CDH2: variants seen among roughly 807,000 people sequenced by gnomAD.
The protein encoded by CDH2 is cadherin 2, also known as cadherin-2.
A neutral mutation model predicts 92.0 loss-of-function variants in CDH2; 17 were observed. The observed-to-expected ratio is 0.18, with a 90% CI of 0.13 to 0.28. The LOEUF is 0.28. CDH2 is among the 10% of genes least tolerant of loss of function. CDH2 has a pLI of 1.00. For synonymous variants in CDH2, 419 were observed against 415.9 expected (o/e 1.01, Z -0.09); for missense variants, 862 against 1,133.1 (o/e 0.76, Z 3.44).
chr18:28,149,217 T>C (rs887312830), intron 1 of CDH2, among the ~76,000 whole-genome samples: 2 of 152,192 alleles, frequency 1.3e-5, no homozygotes, highest in Non-Finnish European at 2.9e-5. Context: ...AGTGCTCCAG[T>C]TGACATGTGC....
chr18:28,015,181 A>G (rs1038965929), intron 2 of CDH2, among the ~76,000 whole-genome samples: 2 of 152,232 alleles, frequency 1.3e-5, no homozygotes, highest in African/African-American at 4.8e-5. Flanking sequence ...AGACGTGCAC[A>G]CAGCCACATC....
At chr18:28,083,708 G>A (rs1340643270) in intron 2 of CDH2, among the ~76,000 whole-genome samples, 1 of 152,158 alleles carries the variant, frequency 6.6e-6, no homozygotes, top group Non-Finnish European at 1.5e-5. Flanking sequence ...TAAAAGGTAT[G>A]ATGGATTTTA....
chr18:28,116,248 T>G (rs906223845), intron 2 of CDH2, among the ~76,000 whole-genome samples: 1 of 152,180 alleles, frequency 6.6e-6, no homozygotes, highest in Non-Finnish European at 1.5e-5. Flanking sequence ...TCAATCCATA[T>G]GGCCTGGCAT....
intron 1 of CDH2, among the ~76,000 whole-genome samples, chr18:28,167,003 G>C (rs2016395189): frequency 6.6e-6 from 1 of 152,084 alleles, no homozygotes; most frequent in Non-Finnish European, 1.5e-5. Flanking sequence ...TGTGGAAGTA[G>C]AAACCCCTCA....
intron 15 of CDH2, among the ~76,000 whole-genome samples, chr18:27,953,122 C>T (rs912347248): frequency 1.3e-5 from 2 of 151,894 alleles, no homozygotes; most frequent in African/African-American, 4.8e-5. Flanking sequence ...TTCTAACTTC[C>T]AAAAAATCCT....
At chr18:27,976,323 A>G (rs1325301697) in intron 14 of CDH2, among the ~76,000 whole-genome samples, 3 of 152,174 alleles carry the variant, frequency 2.0e-5, no homozygotes, top group Non-Finnish European at 4.4e-5. Flanking sequence ...GCCAAGATGA[A>G]TAGCAGTACC....
chr18:28,034,823 T>C (rs541188907), intron 2 of CDH2, among the ~76,000 whole-genome samples: 1 of 152,214 alleles, frequency 6.6e-6, no homozygotes, highest in Admixed American at 6.6e-5. Context: ...GTATAAATCC[T>C]TGAAGTTCAA....
At chr18:28,073,160 T>C (rs907440489) in intron 2 of CDH2, among the ~76,000 whole-genome samples, 6 of 152,192 alleles carry the variant, frequency 3.9e-5, no homozygotes, top group Admixed American at 1.3e-4. Flanking sequence ...TTCAGTTCTC[T>C]AGTGTAAACA....
intron 2 of CDH2, among the ~76,000 whole-genome samples, chr18:28,039,971 G>A (rs1304275204): frequency 6.6e-6 from 1 of 152,070 alleles, no homozygotes; most frequent in Non-Finnish European, 1.5e-5. Context: ...ACAACTGACC[G>A]GCAATGCCAA....
chr18:27,991,145 T>C (rs1285844851), intron 9 of CDH2, among the ~76,000 whole-genome samples: 2 of 152,178 alleles, frequency 1.3e-5, no homozygotes, highest in African/African-American at 4.8e-5. Flanking sequence ...AGGAGTCAAA[T>C]GACTAGACTG....
chr18:28,095,064 C>T (rs946108193), intron 2 of CDH2, among the ~76,000 whole-genome samples: 1 of 152,116 alleles, frequency 6.6e-6, no homozygotes, highest in African/African-American at 2.4e-5. Flanking sequence ...TAAGATCCTT[C>T]TAAGCTCTAA....
intron 2 of CDH2, chr18:28,146,218 A>T (rs567354118): frequency 5.3e-5 from 8 of 152,286 alleles, no homozygotes; most frequent in African/African-American, 1.9e-4. Flanking sequence ...GAATCTCAAA[A>T]ATATGCTGCA....
intron 2 of CDH2, among the ~76,000 whole-genome samples, chr18:28,136,993 G>C (rs937168803): frequency 1.3e-5 from 2 of 152,160 alleles, no homozygotes; most frequent in African/African-American, 4.8e-5. Context: ...AAAACATGAG[G>C]ACTTTGAGTT....
At chr18:28,138,926 T>C (rs1036951387) in intron 2 of CDH2, among the ~76,000 whole-genome samples, 2 of 152,076 alleles carry the variant, frequency 1.3e-5, no homozygotes, top group South Asian at 4.2e-4. Flanking sequence ...TCCTCCTCAT[T>C]TGGGGGAAGG....
chr18:28,032,204 C>G (rs1164229472), intron 2 of CDH2, among the ~76,000 whole-genome samples: 1 of 152,102 alleles, frequency 6.6e-6, no homozygotes, highest in Non-Finnish European at 1.5e-5. Context: ...CAAATTCCAA[C>G]TAGCTTCTCA....
intron 10 of CDH2, among the ~76,000 whole-genome samples, chr18:27,989,775 G>A (rs141476194): frequency 4.6e-5 from 7 of 152,136 alleles, no homozygotes; most frequent in East Asian, 1.9e-4. Flanking sequence ...AGTTCCCTGC[G>A]GAACCTTTTT....
chr18:28,100,145 T>C (rs908470914), intron 2 of CDH2, among the ~76,000 whole-genome samples: 4 of 152,084 alleles, frequency 2.6e-5, no homozygotes, highest in Admixed American at 1.3e-4. Flanking sequence ...GCCTGGGTAT[T>C]TGGCCAAACT....
intron 2 of CDH2, among the ~76,000 whole-genome samples, chr18:28,036,115 A>T (rs999811281): frequency 2.0e-5 from 3 of 152,222 alleles, no homozygotes; most frequent in Non-Finnish European, 4.4e-5. Flanking sequence ...AAAAGGTGCA[A>T]ATACAGTTTG....
intron 5 of CDH2, among the ~76,000 whole-genome samples, chr18:28,006,331 T>A (rs1252722971): frequency 1.3e-5 from 2 of 152,174 alleles, no homozygotes; most frequent in East Asian, 3.9e-4. Context: ...CACTGCTGTC[T>A]CTGCTGACAG....
Sources: allele counts gnomAD v4.1 joint callset (sites outside exome capture counted in the v4.1 genomes callset), GRCh38; gene constraint gnomAD v4.1.1; transcripts MANE v1.5; gene names NCBI Gene and HGNC (gene_info 2026-07-23, HGNC 2026-07-21).